The following MARCHF1 variants were observed in gnomAD, a reference collection of about 807,000 sequenced individuals.
The protein encoded by MARCHF1 is E3 ubiquitin-protein ligase MARCHF1.
In MARCHF1, 40 loss-of-function variants were observed where a neutral mutation model predicts 54.2. The observed-to-expected ratio is 0.74, with a 90% CI of 0.57 to 0.96. The LOEUF (loss-of-function observed/expected upper bound fraction) is 0.96, where lower values mean the gene tolerates loss of function less well. Among genes scored for constraint, MARCHF1 ranks in the 40% least tolerant of loss-of-function variants. The probability of loss-of-function intolerance (pLI) is 0.00; values close to 1 mark genes in which losing one functional copy is unlikely to be tolerated. For synonymous variants in MARCHF1, 236 were observed against 236.3 expected, an observed-to-expected ratio of 1.00 and a Z score of 0.01; for missense variants, 586 against 656.5, an observed-to-expected ratio of 0.89 and a Z score of 1.17.
chr4:164,079,946 C>A (rs1755061819), intron 2 of MARCHF1, among the ~76,000 whole-genome samples: 1 of 152,208 alleles, frequency 6.6e-6, no homozygotes, highest in African/African-American at 2.4e-5. Context: ...TCCCAATAAA[C>A]CATACCTCAC....
rs138660107 is a variant in MARCHF1, at chr4:163,923,933, A to T, written c.-39+64568T>A. Among the ~76,000 whole-genome samples the T allele has an allele frequency of 3.5e-3, 535 of 152,108 alleles. 5 individuals are homozygous for T. The highest frequency in any genetic ancestry group is 0.012 in the African/African-American group (498 of 41,536). ...TGGATACTTTATTTTTAAAAATTATAATCATATTGCTTATGGTTTTATATC... is the reference window on the plus strand; with the variant it reads ...TGGATACTTTATTTTTAAAAATTATTATCATATTGCTTATGGTTTTATATC... On this transcript the variant is annotated intron_variant, in intron 3 of 9. Transcript: ENST00000514618.
At chr4:164,380,621 G>T (rs1435242673) in intron 1 of MARCHF1, among the ~76,000 whole-genome samples, 2 of 152,146 alleles carry the variant, frequency 1.3e-5, no homozygotes, top group African/African-American at 2.4e-5. Context: ...TGGCTTCAGA[G>T]AATTTGTCTC....
intron 1 of MARCHF1, among the ~76,000 whole-genome samples, chr4:164,152,776 TTA>T (rs1729975675): frequency 6.6e-6 from 1 of 152,286 alleles, no homozygotes; most frequent in South Asian, 2.1e-4. Flanking sequence ...CCACAATCCT[TTA>T]TGTTTACCCT....
intron 2 of MARCHF1, among the ~76,000 whole-genome samples, chr4:164,085,236 G>T (rs2111121046): frequency 6.6e-6 from 1 of 151,824 alleles, no homozygotes; most frequent in Non-Finnish European, 1.5e-5. Flanking sequence ...CTATTTATAA[G>T]TCTTCATCTC....
intron 1 of MARCHF1, among the ~76,000 whole-genome samples, chr4:164,190,852 A>G (rs1254887445): frequency 6.6e-6 from 1 of 152,220 alleles, no homozygotes; most frequent in African/African-American, 2.4e-5. Flanking sequence ...TTTAGGGCAG[A>G]GGACACATTA....
At chr4:163,652,372 G>A (rs1328771010) in intron 5 of MARCHF1, among the ~76,000 whole-genome samples, 3 of 151,734 alleles carry the variant, frequency 2.0e-5, no homozygotes, top group East Asian at 1.9e-4. Flanking sequence ...TGTCATCTAC[G>A]ATTCTCCCTG....
chr4:163,820,030 T>C (rs1324447194), intron 4 of MARCHF1, among the ~76,000 whole-genome samples: 1 of 152,130 alleles, frequency 6.6e-6, no homozygotes, highest in African/African-American at 2.4e-5. Flanking sequence ...ATACCGATCC[T>C]GTGTTCTCCT....
intron 4 of MARCHF1, among the ~76,000 whole-genome samples, chr4:163,757,255 T>A (rs1579261431): frequency 1.3e-5 from 2 of 152,222 alleles, no homozygotes. Context: ...GCTTCTCCCA[T>A]GTCCTGGCAT....
intron 4 of MARCHF1, among the ~76,000 whole-genome samples, chr4:163,785,978 A>AGAGG (rs1195483822): frequency 6.6e-6 from 1 of 152,014 alleles, no homozygotes; most frequent in Admixed American, 6.6e-5. Context: ...GGTCAGAAAG[A>AGAGG]GAGGTTTGCA....
chr4:163,863,862 A>C (rs1169384636), intron 3 of MARCHF1, among the ~76,000 whole-genome samples: 1 of 152,036 alleles, frequency 6.6e-6, no homozygotes, highest in Non-Finnish European at 1.5e-5. Context: ...AACAAGACAC[A>C]AACCAAACAC....
At chr4:163,717,694 T>A (rs1192457234) in intron 4 of MARCHF1, among the ~76,000 whole-genome samples, 1 of 152,216 alleles carries the variant, frequency 6.6e-6, no homozygotes, top group Non-Finnish European at 1.5e-5. Flanking sequence ...CCATTCTAAC[T>A]GGTGTGAGAT....
intron 1 of MARCHF1, among the ~76,000 whole-genome samples, chr4:164,203,105 C>T (rs1731500565): frequency 6.7e-6 from 1 of 150,314 alleles, no homozygotes; most frequent in South Asian, 2.1e-4. Flanking sequence ...CCCTGGATTT[C>T]AGTGCCTAGA....
chr4:163,782,874 TTCAGAATTGGGG>T (rs1747509826), intron 4 of MARCHF1, among the ~76,000 whole-genome samples: 1 of 152,020 alleles, frequency 6.6e-6, no homozygotes, highest in African/African-American at 2.4e-5. Context: ...GCAAAAGAAT[TTCAGAATTGGGG>T]TCTTACTGGA....
chr4:164,039,483 A>C (rs1754079199), intron 2 of MARCHF1, among the ~76,000 whole-genome samples: 1 of 152,168 alleles, frequency 6.6e-6, no homozygotes, highest in African/African-American at 2.4e-5. Flanking sequence ...CACCACTGCC[A>C]CAAGGCTCAT....
chr4:163,531,742 C>T lies in MARCHF1; in HGVS notation c.1340-2696G>A, dbSNP rs191199457. ...GTGATTATGACAATGTTGCAGGATA[C>T]AAAGTTTTACAAAAAGTCAATTGCT... is the stretch of plus-strand genomic sequence containing the variant. On this transcript the variant is annotated intron_variant, in intron 9 of 9. Transcript: ENST00000514618. 9.2e-5 allele frequency among the ~76,000 whole-genome samples: 14 copies of T among 151,466 alleles called. No individual in the cohort carries two copies. In the East Asian group the frequency reaches 2.7e-3, roughly 29 times the overall value.
In MARCHF1 at chr4:164,215,985, T is replaced by C. The variant is rs749258217; in HGVS notation, c.-322-104323A>G. 1.2e-4 allele frequency among the ~76,000 whole-genome samples: 19 copies of C among 152,210 alleles called. 1 individual carries two copies. Among genetic ancestry groups the C allele is most frequent in the Non-Finnish European group, 2.8e-4 (19 of 68,036 alleles). ...AATGAAAAAAGTAGGAAAAATATTA[T>C]TTCTGTATTTAATTAGGTTCTCACA... On this transcript the variant is annotated intron_variant, in intron 1 of 9. Transcript: ENST00000514618.
intron 1 of MARCHF1, among the ~76,000 whole-genome samples, chr4:164,259,511 C>A (rs1187416928): frequency 1.6e-5 from 2 of 124,714 alleles, no homozygotes; most frequent in African/African-American, 6.2e-5. Flanking sequence ...GGCTACTGCA[C>A]TCCAGTGTGG....
At chr4:163,702,626 C>T (rs1744841347) in intron 4 of MARCHF1, among the ~76,000 whole-genome samples, 1 of 152,050 alleles carries the variant, frequency 6.6e-6, no homozygotes, top group South Asian at 2.1e-4. Flanking sequence ...ACAAGAAAGG[C>T]CAGATTCACT....
rs1050002414 is a variant in MARCHF1 at position 163,612,564 on chromosome 4, C to T, written c.717G>A (p.Arg239=). ...TCAGAGAAGGGTTGCATTCTTGGTACCTTGTATGTTTTCCTCTGTGGAGAT... is the reference window on the plus strand; with the variant it reads ...TCAGAGAAGGGTTGCATTCTTGGTATCTTGTATGTTTTCCTCTGTGGAGAT... ...SLNLHRGKHT[R]YQECNPSLTQ... The change falls in exon 7 of 10, where the codon AGG becomes AGA. Residue 239 remains arginine (R), a synonymous_variant. Coordinates refer to ENST00000514618, the MANE Select transcript of MARCHF1 (RefSeq NM_001394959.1). The T allele has an allele frequency of 2.6e-6, 4 of 1,535,348 alleles. No individual in the cohort carries two copies. The highest frequency in any genetic ancestry group is 2.6e-6 in the Non-Finnish European group (3 of 1,146,548).
Sources: allele counts gnomAD v4.1 joint callset (sites outside exome capture counted in the v4.1 genomes callset), GRCh38; gene constraint gnomAD v4.1.1; transcripts MANE v1.5; gene names NCBI Gene and HGNC (gene_info 2026-07-23, HGNC 2026-07-21).